COL21A1: variants seen among roughly 807,000 people sequenced by gnomAD.
The protein encoded by COL21A1 is collagen alpha-1(XXI) chain.
COL21A1 carries 149 observed loss-of-function variants against 137.9 expected under a neutral mutation model. The ratio of observed to expected loss-of-function variants is 1.08; its 90% CI spans 0.95 to 1.24. The LOEUF is 1.24. COL21A1 is among the 50% of genes most tolerant of loss of function. The pLI is 0.00. For synonymous variants in COL21A1, 456 were observed against 391.5 expected (o/e 1.16, Z -1.95); for missense variants, 1,167 against 1,158.4 (o/e 1.01, Z -0.11).
At chr6:56,142,770 T>A (rs1432970532) in intron 10 of COL21A1, among the ~76,000 whole-genome samples, 1 of 152,220 alleles carries the variant, frequency 6.6e-6, no homozygotes, top group African/African-American at 2.4e-5. Context: ...ATAACCACTA[T>A]CAAGTTCCAT....
chr6:56,218,512 T>C lies in COL21A1; in HGVS notation c.-39+28875A>G, dbSNP rs147853462. 1.6e-3 allele frequency among the ~76,000 whole-genome samples: 241 copies of C among 152,250 alleles called. 1 individual carries two copies. The highest frequency in any genetic ancestry group is 5.6e-3 in the African/African-American group (231 of 41,572). On this transcript the variant is annotated intron_variant, in intron 1 of 29. Transcript: ENST00000244728. Reference sequence around the variant, plus strand: ...GCTGGTGCAAATGTTATTGTGTTTTTTTGCCTTGTTGAAATTTGCCATTTG... The same window carrying C: ...GCTGGTGCAAATGTTATTGTGTTTTCTTGCCTTGTTGAAATTTGCCATTTG...
At chr6:56,276,619 A>T in intron 1 of COL21A1, 6 of 1,437,866 alleles carry the variant, frequency 4.2e-6, no homozygotes, top group Non-Finnish European at 5.9e-6. Flanking sequence ...GCAGAAGTTT[A>T]TATTTCTCAA....
chr6:56,344,805 T>C (rs1765554759), intron 1 of COL21A1, among the ~76,000 whole-genome samples: 1 of 152,026 alleles, frequency 6.6e-6, no homozygotes, highest in South Asian at 2.1e-4. Context: ...CCCTTCTCTT[T>C]CTTTTCCTCC....
chr6:56,254,070 C>A (rs1407106372), intron 1 of COL21A1, among the ~76,000 whole-genome samples: 1 of 152,142 alleles, frequency 6.6e-6, no homozygotes, highest in African/African-American at 2.4e-5. Flanking sequence ...ATTCTTCTGG[C>A]CAAGAGAACA....
At chr6:56,231,865 T>C (rs1249689585) in intron 1 of COL21A1, among the ~76,000 whole-genome samples, 5 of 151,838 alleles carry the variant, frequency 3.3e-5, no homozygotes. Flanking sequence ...TGCTAAGCTA[T>C]CAAGATGAAA....
At chr6:56,134,467 T>A (rs1773825905) in intron 12 of COL21A1, among the ~76,000 whole-genome samples, 1 of 152,228 alleles carries the variant, frequency 6.6e-6, no homozygotes. Flanking sequence ...TTGTCTCAAA[T>A]GAGACTTTGG....
At chr6:56,106,234 C>T (rs921050731) in intron 16 of COL21A1, among the ~76,000 whole-genome samples, 2 of 152,154 alleles carry the variant, frequency 1.3e-5, no homozygotes, top group Non-Finnish European at 2.9e-5. Context: ...AACATTCTGC[C>T]ACCAAACCAA....
At chr6:56,364,291 C>T (rs766022437) in intron 1 of COL21A1, among the ~76,000 whole-genome samples, 8 of 151,942 alleles carry the variant, frequency 5.3e-5, no homozygotes, top group Non-Finnish European at 1.0e-4. Flanking sequence ...ACCTAGGCGG[C>T]GACCTTTCAG....
rs144292044 is a variant in COL21A1 at position 56,319,025 on chromosome 6, T to C, written c.-39+74946A>G. Among the ~76,000 whole-genome samples, 281 of 152,182 alleles carry C rather than the reference T, an allele frequency of 1.8e-3. 1 individual carries two copies. Among genetic ancestry groups the C allele is most frequent in the Non-Finnish European group, 3.2e-3 (220 of 68,020 alleles). The stretch of plus-strand genomic sequence containing the variant: ...CATGGTAACCAACCACAATGTTTGA[T>C]CAAATAGTCAATTCTCAGTCTTCAC... On this transcript the variant is annotated intron_variant, in intron 1 of 28. Coordinates refer to the COL21A1 transcript ENST00000370819.
At chr6:56,342,295 T>C (rs533037342) in intron 1 of COL21A1, among the ~76,000 whole-genome samples, 1 of 152,304 alleles carries the variant, frequency 6.6e-6, no homozygotes, top group South Asian at 2.1e-4. Flanking sequence ...TTACAAAAAC[T>C]CCTCTAAACA....
intron 17 of COL21A1, among the ~76,000 whole-genome samples, chr6:56,092,947 C>T (rs1768977170): frequency 2.0e-5 from 3 of 152,082 alleles, no homozygotes; most frequent in Non-Finnish European, 4.4e-5. Flanking sequence ...TTGGTCAGTG[C>T]CAGCATTCTT....
chr6:56,290,498 G>GTTTTTTTTTTTTTTTTTTTTTTTTT (rs371058894), intron 1 of COL21A1, among the ~76,000 whole-genome samples: 1 of 132,960 alleles, frequency 7.5e-6, no homozygotes, highest in Non-Finnish European at 1.6e-5. Flanking sequence ...TCACTTAGGA[G>GTTTTTTTTTTTTTTTTTTTTTTTTT]ATTTTTTTTT....
intron 1 of COL21A1, among the ~76,000 whole-genome samples, chr6:56,186,688 A>T (rs925806946): frequency 4.6e-5 from 7 of 152,194 alleles, no homozygotes; most frequent in African/African-American, 1.7e-4. Flanking sequence ...TGGGAAAAAA[A>T]TACCATTTTC....
intron 1 of COL21A1, among the ~76,000 whole-genome samples, chr6:56,322,195 C>A (rs1240275482): frequency 6.6e-6 from 1 of 152,100 alleles, no homozygotes; most frequent in Non-Finnish European, 1.5e-5. Context: ...CTCAGCAAAT[C>A]AGTGAGATGC....
intron 1 of COL21A1, among the ~76,000 whole-genome samples, chr6:56,196,121 G>T (rs755365741): frequency 3.2e-4 from 49 of 151,998 alleles, no homozygotes; most frequent in Non-Finnish European, 5.6e-4. Flanking sequence ...AAAATTATAC[G>T]ATCATCTAAA....
intron 9 of COL21A1, among the ~76,000 whole-genome samples, chr6:56,160,468 T>C (rs1459229831): frequency 6.6e-6 from 1 of 152,044 alleles, no homozygotes; most frequent in Non-Finnish European, 1.5e-5. Context: ...TCCACAATAA[T>C]ACACTGATCA....
At chr6:56,189,073 ACAAC>A (rs1778490640) in intron 1 of COL21A1, among the ~76,000 whole-genome samples, 1 of 152,144 alleles carries the variant, frequency 6.6e-6, no homozygotes, top group African/African-American at 2.4e-5. Flanking sequence ...CCAAAGGATC[ACAAC>A]TCTTCTCCAG....
chr6:56,075,209 C>G (rs745736519), intron 19 of COL21A1, among the ~76,000 whole-genome samples: 2 of 151,346 alleles, frequency 1.3e-5, no homozygotes, highest in Non-Finnish European at 3.0e-5. Context: ...AAATTAATAG[C>G]TAGAATACAT....
At chr6:56,317,137 G>A (rs556040807) in intron 1 of COL21A1, among the ~76,000 whole-genome samples, 67 of 152,182 alleles carry the variant, frequency 4.4e-4, no homozygotes, top group African/African-American at 1.6e-3. Context: ...CAGATGTCAG[G>A]GTGGCAGTTT....
Sources: allele counts gnomAD v4.1 joint callset (sites outside exome capture counted in the v4.1 genomes callset), GRCh38; gene constraint gnomAD v4.1.1; transcripts MANE v1.5; gene names NCBI Gene and HGNC (gene_info 2026-07-23, HGNC 2026-07-21).